ACTL8: variants seen among roughly 807,000 people sequenced by gnomAD.
ACTL8 encodes actin like 8.
ACTL8 carries 3 observed loss-of-function variants against 9.3 expected under a neutral mutation model. The observed-to-expected ratio is 0.32, with a 90% CI of 0.15 to 0.83. ACTL8 has a LOEUF of 0.83. Ranked by LOEUF, ACTL8 falls within the 40% of genes least tolerant of loss-of-function variation. The pLI is 0.57. For missense variants in ACTL8, 381 were observed against 492.2 expected (o/e 0.77, Z 2.14); for synonymous variants, 224 against 205.9 (o/e 1.09, Z -0.75).
At chr1:17,820,429 A>AG (rs34262553) in intron 1 of ACTL8, among the ~76,000 whole-genome samples, 3,473 of 152,194 alleles carry the variant, frequency 0.023, 129 homozygotes, top group African/African-American at 0.077. Flanking sequence ...GTTGGTTTCT[A>AG]TTTTTGGCAG....
At chr1:17,782,119 T>A (rs1316679322) in intron 1 of ACTL8, among the ~76,000 whole-genome samples, 1 of 152,094 alleles carries the variant, frequency 6.6e-6, no homozygotes, top group African/African-American at 2.4e-5. Flanking sequence ...ACAGCTCTGG[T>A]ACACGAGCCC....
At chr1:17,760,028 T>C (rs1467670700) in intron 1 of ACTL8, among the ~76,000 whole-genome samples, 1 of 152,254 alleles carries the variant, frequency 6.6e-6, no homozygotes, top group African/African-American at 2.4e-5. Context: ...TTGTGCATAC[T>C]GGCCACAGTT....
intron 1 of ACTL8, among the ~76,000 whole-genome samples, chr1:17,809,971 T>A (rs552943408): frequency 2.0e-5 from 3 of 152,228 alleles, no homozygotes; most frequent in Non-Finnish European, 4.4e-5. Flanking sequence ...ATACAGTGTC[T>A]AGATTTAACT....
At chr1:17,784,951 C>G (rs2066185118) in intron 1 of ACTL8, among the ~76,000 whole-genome samples, 1 of 152,184 alleles carries the variant, frequency 6.6e-6, no homozygotes, top group South Asian at 2.1e-4. Context: ...CAAGGAGGAG[C>G]AAGTCCTGTT....
In ACTL8 at chr1:17,814,601, G is replaced by A. The variant is rs530482953; in HGVS notation, c.-24-8384G>A. On this transcript the variant is annotated intron_variant, in intron 1 of 2. Coordinates refer to ENST00000375406, the MANE Select transcript of ACTL8 (RefSeq NM_030812.3). ...CCTACAGTATTCAGTAGAATAACAC[G>A]CAGTACCAGTTCATAGCATAGCAAG... 3.3e-5 allele frequency among the ~76,000 whole-genome samples: 5 copies of A among 151,566 alleles called. No individual in the cohort carries two copies. The East Asian group carries it at 7.8e-4, about 24-fold the overall frequency.
At chr1:17,801,742 A>T (rs1385939120) in intron 1 of ACTL8, among the ~76,000 whole-genome samples, 1 of 152,268 alleles carries the variant, frequency 6.6e-6, no homozygotes, top group Non-Finnish European at 1.5e-5. Flanking sequence ...TTTTTCATCT[A>T]AAATTGAGAA....
At chr1:17,806,843 C>G (rs2066363059) in intron 1 of ACTL8, among the ~76,000 whole-genome samples, 1 of 152,208 alleles carries the variant, frequency 6.6e-6, no homozygotes, top group Non-Finnish European at 1.5e-5. Flanking sequence ...AGCAAATTAC[C>G]AAATGCAGTG....
At chr1:17,780,569 C>G (rs2066147193) in intron 1 of ACTL8, among the ~76,000 whole-genome samples, 1 of 152,260 alleles carries the variant, frequency 6.6e-6, no homozygotes, top group Admixed American at 6.5e-5. Flanking sequence ...CTCTTGAAAG[C>G]AGACTGGGGG....
At chr1:17,789,401 A>T (rs1469735272) in intron 1 of ACTL8, among the ~76,000 whole-genome samples, 3 of 152,166 alleles carry the variant, frequency 2.0e-5, no homozygotes, top group African/African-American at 7.2e-5. Flanking sequence ...CTTGCATGTT[A>T]TTCTAGCCCC....
intron 1 of ACTL8, among the ~76,000 whole-genome samples, chr1:17,785,083 C>A (rs7525745): frequency 0.2 from 30,332 of 151,990 alleles, 3,240 homozygotes; most frequent in African/African-American, 0.28. Flanking sequence ...AAGATTTGCC[C>A]CCATGATTCA....
chr1:17,825,792 C>T lies in ACTL8; in HGVS notation c.374C>T (p.Pro125Leu), dbSNP rs772868348. ...LEILFELLHV[P>L]SVLLADQLQM... Reference sequence around the variant, plus strand: ...ATCCTGTTTGAGTTGCTGCATGTCCCATCGGTCCTCCTGGCCGACCAGCTG... The same window carrying T: ...ATCCTGTTTGAGTTGCTGCATGTCCTATCGGTCCTCCTGGCCGACCAGCTG... The change falls in exon 3 of 3, where the codon CCA becomes CTA. Residue 125 changes from proline to leucine, a missense_variant. By Grantham distance (98) the Pro-to-Leu change is moderately conservative. This residue lies in a region of ACTL8 where 125 missense variants were observed against 180.7 expected (regional missense o/e 0.69). Transcript: ENST00000375406. 1.2e-6 allele frequency: 2 copies of T among 1,613,728 alleles called. No homozygotes were observed. Among genetic ancestry groups the T allele is most frequent in the Non-Finnish European group, 1.7e-6 (2 of 1,179,932 alleles).
At chr1:17,798,940 G>A (rs2066299004) in intron 1 of ACTL8, among the ~76,000 whole-genome samples, 2 of 152,146 alleles carry the variant, frequency 1.3e-5, no homozygotes, top group African/African-American at 2.4e-5. Context: ...TACCCCACAC[G>A]CTGTTTGAAA....
In ACTL8 at chr1:17,823,210, G is replaced by C. The variant is rs142436980; in HGVS notation, c.202G>C (p.Glu68Gln). The C allele has an allele frequency of 6.2e-7, 1 of 1,614,154 alleles. No individual in the cohort carries two copies. Among genetic ancestry groups the C allele is most frequent in the East Asian group, 2.2e-5 (1 of 44,868 alleles). The change falls in exon 2 of 3, where the codon GAG becomes CAG. Residue 68 changes from glutamate to glutamine, a missense_variant. Glu to Gln is a conservative substitution (Grantham distance 29). Transcript: ENST00000375406. This position sits in a 1 kb window ranked among gnomAD's most constrained non-coding sequence, Gnocchi z 5.3. The stretch of plus-strand genomic sequence containing the variant: ...TCCTGACACCTTTAGCTACCCCATC[G>C]AGCGGGGCCGCATCCTCAACTGGGA... The part of the protein sequence containing the change: ...CHPDTFSYPI[E>Q]RGRILNWEGV...
chr1:17,768,534 G>A (rs2066062065), intron 1 of ACTL8, among the ~76,000 whole-genome samples: 1 of 152,210 alleles, frequency 6.6e-6, no homozygotes, highest in South Asian at 2.1e-4. Flanking sequence ...CTTTTAAGAT[G>A]CTAAGGATGG....
rs1413868399 is a variant in ACTL8 at position 17,826,454 on chromosome 1, C to T, written c.1036C>T (p.His346Tyr). Residue 346 changes from histidine to tyrosine, a missense_variant, in exon 3 of 3, where the codon CAC becomes TAC. Transcript: ENST00000375406. This position sits in a 1 kb window ranked among gnomAD's most constrained non-coding sequence, Gnocchi z 4.5. The part of the protein sequence containing the change: ...SVWLGASVVA[H>Y]LSTYQSEWMS... ...CTGGCTAGGAGCGTCCGTGGTGGCT[C>T]ACCTTTCTACCTACCAGTCTGAGTG... 8.1e-6 allele frequency: 13 copies of T among 1,612,256 alleles called. No individual in the cohort carries two copies. In the East Asian group the frequency reaches 2.7e-4, roughly 33 times the overall value.
intron 1 of ACTL8, among the ~76,000 whole-genome samples, chr1:17,795,801 G>T (rs2066272855): frequency 6.6e-6 from 1 of 152,206 alleles, no homozygotes; most frequent in Non-Finnish European, 1.5e-5. Context: ...CCTTCCCCGA[G>T]TTCGAGGTGG....
At chr1:17,788,234 T>G (rs899944422) in intron 1 of ACTL8, among the ~76,000 whole-genome samples, 10 of 152,234 alleles carry the variant, frequency 6.6e-5, no homozygotes, top group Non-Finnish European at 2.9e-5. Flanking sequence ...AAGTTCTTAT[T>G]GTTAGTCAGT....
At chr1:17,793,473 CT>C (rs1372205126) in intron 1 of ACTL8, among the ~76,000 whole-genome samples, 2 of 152,156 alleles carry the variant, frequency 1.3e-5, no homozygotes, top group Non-Finnish European at 2.9e-5. Flanking sequence ...TCAAGTTCTC[CT>C]TTTTTTGAGC....
At chr1:17,790,022 C>G (rs999670298) in intron 1 of ACTL8, among the ~76,000 whole-genome samples, 1 of 152,158 alleles carries the variant, frequency 6.6e-6, no homozygotes, top group Non-Finnish European at 1.5e-5. Flanking sequence ...TGTGAGCAAG[C>G]GTGGTGTGTG....
Sources: gnomAD v4.1 joint callset for allele counts (sites outside exome capture counted in the v4.1 genomes callset) on GRCh38, gnomAD v4.1.1 for gene constraint, gnomAD v4.1.1 regional missense constraint, Gnocchi (gnomAD v3.1) non-coding constraint, MANE v1.5 for transcripts, NCBI Gene and HGNC (gene_info 2026-07-23, HGNC 2026-07-21) for gene names.